Variants in IL1RAPL1 observed in about 807,000 individuals in gnomAD.
The protein encoded by IL1RAPL1 is interleukin-1 receptor accessory protein-like 1.
In IL1RAPL1, 3 loss-of-function variants were observed where a neutral mutation model predicts 48.4. The ratio of observed to expected loss-of-function variants is 0.06; its 90% CI spans 0.03 to 0.16. The LOEUF is 0.16. Among genes scored for constraint, IL1RAPL1 ranks in the 10% least tolerant of loss-of-function variants. The probability of loss-of-function intolerance (pLI) is 1.00; values close to 1 mark genes in which losing one functional copy is unlikely to be tolerated. For missense variants in IL1RAPL1, 349 were observed against 530.6 expected (o/e 0.66, Z 3.36); for synonymous variants, 185 against 187.7 (o/e 0.99, Z 0.12).
At chrX:28,646,401 G>T (rs1359630506) in intron 1 of IL1RAPL1, among the ~76,000 whole-genome samples, 1 of 112,080 alleles carries the variant, frequency 8.9e-6, no homozygotes, top group Non-Finnish European at 1.9e-5. Context: ...GAGGACCCCT[G>T]TTCTAGACAT....
chrX:28,605,406 C>G, intron 1 of IL1RAPL1, among the ~76,000 whole-genome samples: 1 of 111,581 alleles, frequency 9.0e-6, no homozygotes, highest in Non-Finnish European at 1.9e-5. Flanking sequence ...ACCTTGAAAT[C>G]ACTCATCATT....
chrX:29,578,882 T>C (rs2879751), intron 5 of IL1RAPL1, among the ~76,000 whole-genome samples: 55,365 of 110,614 alleles, frequency 0.5, 10,724 homozygotes, highest in African/African-American at 0.71. Context: ...ACAACTATTT[T>C]GTTTGTGCCT....
At chrX:28,756,911 T>G (rs1341749941) in intron 1 of IL1RAPL1, among the ~76,000 whole-genome samples, 2 of 111,481 alleles carry the variant, frequency 1.8e-5, no homozygotes, top group Non-Finnish European at 3.8e-5. Context: ...AGAACAACCC[T>G]TTTCACATTC....
intron 2 of IL1RAPL1, among the ~76,000 whole-genome samples, chrX:28,958,467 A>G (rs747130147): frequency 8.9e-6 from 1 of 111,773 alleles, no homozygotes; most frequent in East Asian, 2.8e-4. Flanking sequence ...CTTGCAATGT[A>G]CTATAGACAT....
intron 1 of IL1RAPL1, among the ~76,000 whole-genome samples, chrX:28,635,144 C>T (rs2146895516): frequency 8.9e-6 from 1 of 112,187 alleles, no homozygotes; most frequent in Non-Finnish European, 1.9e-5. Context: ...TTCATGTCAA[C>T]CTGTAGGAAT....
intron 2 of IL1RAPL1, among the ~76,000 whole-genome samples, chrX:29,127,958 G>A (rs1376325796): frequency 1.2e-5 from 1 of 81,979 alleles, no homozygotes; most frequent in Non-Finnish European, 2.7e-5. Flanking sequence ...AGTGAGACTC[G>A]ATCTAAAAAA....
Position 28,881,748 on chromosome X carries a change from G to A in IL1RAPL1, c.82+92323G>A, listed in dbSNP as rs140741275. Reference sequence around the variant, plus strand: ...AATAGCTGAATTGAAAAAAATCACCGGAAGGGTTTACCAGCAGACTTGATT... The same window carrying A: ...AATAGCTGAATTGAAAAAAATCACCAGAAGGGTTTACCAGCAGACTTGATT... On this transcript the variant is annotated intron_variant, in intron 2 of 10. Coordinates refer to ENST00000378993, the MANE Select transcript of IL1RAPL1 (RefSeq NM_014271.4). Among the ~76,000 whole-genome samples the A allele has an allele frequency of 1.6e-3, 176 of 111,168 alleles. 1 individual carries two copies. Among genetic ancestry groups the A allele is most frequent in the Middle Eastern group, 0.014 (3 of 213 alleles).
chrX:28,880,165 T>G (rs1922469299), intron 2 of IL1RAPL1, among the ~76,000 whole-genome samples: 1 of 112,770 alleles, frequency 8.9e-6, no homozygotes, highest in East Asian at 2.8e-4. Context: ...GGTTTTAAAC[T>G]GTTTGAATTT....
rs139089560 is a variant in IL1RAPL1, at chrX:29,861,184, T to C, written c.779-56280T>C. ...AATGTTATGGTCAAATATAGAGGAA[T>C]TGAGGAGAAAACAAGGACAAGAAAT... On this transcript the variant is annotated intron_variant, in intron 6 of 10. Transcript: ENST00000378993. Among the ~76,000 whole-genome samples, 324 of 111,720 alleles carry C rather than the reference T, an allele frequency of 2.9e-3. 2 individuals carry two copies. Among genetic ancestry groups the C allele is most frequent in the African/African-American group, 9.7e-3 (298 of 30,774 alleles).
At chrX:29,327,060 A>C (rs1397879798) in intron 3 of IL1RAPL1, among the ~76,000 whole-genome samples, 1 of 111,259 alleles carries the variant, frequency 9.0e-6, no homozygotes, top group African/African-American at 3.3e-5. Flanking sequence ...TCCTCTTGAG[A>C]ATTGCCACAC....
At chrX:29,169,105 A>G (rs1015061304) in intron 2 of IL1RAPL1, among the ~76,000 whole-genome samples, 2 of 108,662 alleles carry the variant, frequency 1.8e-5, no homozygotes, top group African/African-American at 3.3e-5. Context: ...GCTACTGTGA[A>G]TAGTGCTGCA....
chrX:29,435,539 G>A (rs745984444), intron 5 of IL1RAPL1, among the ~76,000 whole-genome samples: 3 of 110,666 alleles, frequency 2.7e-5, no homozygotes, highest in Non-Finnish European at 3.8e-5. Flanking sequence ...ATGCGAAGTG[G>A]TACCTCATTG....
At chrX:29,483,213 C>T (rs1393353448) in intron 5 of IL1RAPL1, among the ~76,000 whole-genome samples, 1 of 111,652 alleles carries the variant, frequency 9.0e-6, no homozygotes, top group Non-Finnish European at 1.9e-5. Flanking sequence ...TTTTGGAAGC[C>T]CATATGTTTA....
At chrX:29,546,515 C>T (rs959739802) in intron 5 of IL1RAPL1, among the ~76,000 whole-genome samples, 2 of 111,513 alleles carry the variant, frequency 1.8e-5, no homozygotes. Flanking sequence ...CATTTCTTTG[C>T]CTCTATTTAG....
intron 5 of IL1RAPL1, among the ~76,000 whole-genome samples, chrX:29,404,118 CTA>C (rs1934026450): frequency 8.9e-6 from 1 of 111,801 alleles, no homozygotes; most frequent in Non-Finnish European, 1.9e-5. Context: ...CTGTGAAGTT[CTA>C]TGAGTTTAAA....
At chrX:28,953,694 A>G (rs1446577149) in intron 2 of IL1RAPL1, among the ~76,000 whole-genome samples, 1 of 111,212 alleles carries the variant, frequency 9.0e-6, no homozygotes, top group South Asian at 3.7e-4. Context: ...AAAACATGAT[A>G]TCAACATAAT....
intron 1 of IL1RAPL1, among the ~76,000 whole-genome samples, chrX:28,738,966 A>G (rs536609962): frequency 9.0e-6 from 1 of 110,848 alleles, no homozygotes; most frequent in South Asian, 3.8e-4. Context: ...TCCATAATGC[A>G]TGTCCCATCT....
At chrX:28,851,780 G>A (rs16988364) in intron 2 of IL1RAPL1, among the ~76,000 whole-genome samples, 10,616 of 111,393 alleles carry the variant, frequency 0.095, 1,033 homozygotes, top group African/African-American at 0.29. Flanking sequence ...TTATGTAAAC[G>A]GAACCCCCAA....
intron 2 of IL1RAPL1, among the ~76,000 whole-genome samples, chrX:29,112,814 T>G (rs1602062423): frequency 1.1e-5 from 1 of 94,835 alleles, no homozygotes. Flanking sequence ...TTTTTTTTTT[T>G]CCTGAGGTGG....
Sources: allele counts gnomAD v4.1 joint callset (sites outside exome capture counted in the v4.1 genomes callset), GRCh38; gene constraint gnomAD v4.1.1; transcripts MANE v1.5; gene names NCBI Gene and HGNC (gene_info 2026-07-23, HGNC 2026-07-21).